SNAPC5: variants seen among roughly 807,000 people sequenced by gnomAD.
The protein encoded by SNAPC5 is small nuclear RNA activating complex polypeptide 5, also known as snRNA-activating protein complex subunit 5.
In SNAPC5, 12 loss-of-function variants were observed where a neutral mutation model predicts 9.1. The ratio of observed to expected loss-of-function variants is 1.32; its 90% CI spans 0.85 to 2.15. The LOEUF is 2.15. Ranked by LOEUF, SNAPC5 falls within the 30% of genes most tolerant of loss-of-function variation. The probability of loss-of-function intolerance (pLI) is 0.00; values close to 1 mark genes in which losing one functional copy is unlikely to be tolerated. For missense variants in SNAPC5, 132 were observed against 114.4 expected (o/e 1.15, Z -0.70); for synonymous variants, 52 against 47.3 (o/e 1.10, Z -0.41).
chr15:66,492,811 A>T (rs1325029405), downstream of SNAPC5, among the ~76,000 whole-genome samples: 3 of 152,182 alleles, frequency 2.0e-5, no homozygotes, highest in African/African-American at 7.2e-5. Context: ...AAATGATCTC[A>T]TTAGCACCTC....
intron 1 of SNAPC5, among the ~76,000 whole-genome samples, chr15:66,496,292 C>A (rs1396248378): frequency 6.6e-6 from 1 of 151,772 alleles, no homozygotes; most frequent in African/African-American, 2.4e-5. Context: ...ATGGTGAAAC[C>A]CCGTCTCTAC....
chr15:66,495,534 C>T, intron 1 of SNAPC5, 115 bp from the exon 2 acceptor site: 1 of 671,644 alleles, frequency 1.5e-6, no homozygotes, highest in African/African-American at 1.8e-5. Flanking sequence ...TGAAAACTAT[C>T]TCTGTGTTGC....
intron 2 of SNAPC5, 107 bp downstream of exon 2, chr15:66,495,223 C>G (rs762773303): frequency 1.2e-6 from 1 of 802,806 alleles, no homozygotes; most frequent in South Asian, 1.3e-5. Context: ...TTCTCAGAGC[C>G]CTTTGGGCTA....
intron 1 of SNAPC5, among the ~76,000 whole-genome samples, chr15:66,495,868 T>G (rs965051478): frequency 6.6e-6 from 1 of 152,236 alleles, no homozygotes; most frequent in African/African-American, 2.4e-5. Flanking sequence ...AATACACTCA[T>G]TAAGTACTTG....
At chr15:66,489,802 A>C, downstream of SNAPC5, 2 of 1,533,190 alleles carry the variant, frequency 1.3e-6, no homozygotes, top group Non-Finnish European at 1.8e-6. Context: ...GTACCTGTTT[A>C]TTCATTTGTT....
chr15:66,495,496 T>C, intron 1 of SNAPC5, 77 bp from the exon 2 acceptor site: 2 of 809,016 alleles, frequency 2.5e-6, no homozygotes, highest in South Asian at 2.7e-5. Flanking sequence ...CTGGGCACAC[T>C]ATGAAACATT....
At position 66,495,340 on chromosome 15, in the gene SNAPC5, T is replaced by C; in HGVS notation, c.170A>G (p.Gln57Arg). The C allele has an allele frequency of 1.9e-6, 3 of 1,584,116 alleles. No individual in the cohort carries two copies. The South Asian group carries it at 3.3e-5, about 18-fold the overall frequency. Residue 57 changes from glutamine (Q) to arginine (R), a missense_variant, in exon 2 of 3, where the codon CAG (glutamine) becomes CGG (arginine). Gln to Arg is a conservative substitution (Grantham distance 43, BLOSUM62 1). Transcript: ENST00000316634. ...EMLSSHTVPE[Q>R]SHDMLVHVDN... Reference sequence around the variant, plus strand: ...CTTGATTAAGCTTACATCATGTGACTGTTCAGGTACAGTGTGAGAAGACAG... The same window carrying C: ...CTTGATTAAGCTTACATCATGTGACCGTTCAGGTACAGTGTGAGAAGACAG...
downstream of SNAPC5, chr15:66,489,995 G>A (rs1245433124): frequency 3.3e-6 from 2 of 600,932 alleles, no homozygotes; most frequent in East Asian, 2.8e-5. Context: ...AAATGCCTGA[G>A]GGGGCCATGG....
chr15:66,490,299 C>G, downstream of SNAPC5: 4 of 689,262 alleles, frequency 5.8e-6, no homozygotes, highest in Non-Finnish European at 1.1e-5. Flanking sequence ...AGGTGACTTG[C>G]CCAAGGCCTC....
downstream of SNAPC5, chr15:66,491,462 C>A (rs1893255198): frequency 9.1e-6 from 2 of 218,904 alleles, no homozygotes; most frequent in African/African-American, 4.5e-5. Flanking sequence ...ATCCTTTTAA[C>A]CATTTTAACC....
chr15:66,491,099 CAG>C (rs1228503968), downstream of SNAPC5: 4 of 351,384 alleles, frequency 1.1e-5, no homozygotes, highest in Non-Finnish European at 2.1e-5. Flanking sequence ...AAATGAGCAT[CAG>C]AGAGTGTACA....
downstream of SNAPC5, chr15:66,490,233 C>T: frequency 3.3e-6 from 2 of 600,532 alleles, no homozygotes; most frequent in East Asian, 3.1e-5. Context: ...TCTAACAAGC[C>T]TGTGAGGCAT....
downstream of SNAPC5, chr15:66,490,631 C>T (rs1422535238): frequency 6.2e-7 from 1 of 1,601,646 alleles, no homozygotes; most frequent in African/African-American, 1.3e-5. Context: ...TGGGAAGCAA[C>T]AAAGAGCGAG....
At chr15:66,490,419 GA>G (rs774650198), downstream of SNAPC5, 11 of 1,024,164 alleles carry the variant, frequency 1.1e-5, no homozygotes, top group Non-Finnish European at 1.7e-5. Flanking sequence ...CTCTAGACCT[GA>G]AACTCTTGGA....
chr15:66,489,889 G>A, downstream of SNAPC5: 1 of 852,420 alleles, frequency 1.2e-6, no homozygotes, highest in South Asian at 1.3e-5. Context: ...TGAGCCTGGG[G>A]CTGCAGAATA....
chr15:66,497,233 T>C (rs1485139458), intron 1 of SNAPC5, among the ~76,000 whole-genome samples: 2 of 152,098 alleles, frequency 1.3e-5, no homozygotes, highest in African/African-American at 4.8e-5. Flanking sequence ...AACTAGAGCA[T>C]TTCAAGCGCC....
At chr15:66,489,816 C>G, downstream of SNAPC5, 2 of 1,441,672 alleles carry the variant, frequency 1.4e-6, no homozygotes, top group Non-Finnish European at 2.0e-6. Context: ...ATTTGTTCTT[C>G]TCTGTCAGTC....
At chr15:66,492,272 T>C (rs1382900861), downstream of SNAPC5, 3 of 275,192 alleles carry the variant, frequency 1.1e-5, no homozygotes, top group South Asian at 3.3e-5. Flanking sequence ...AGCCAACATA[T>C]ATATTTATAA....
downstream of SNAPC5, chr15:66,489,864 C>G: frequency 1.0e-6 from 1 of 983,382 alleles, no homozygotes; most frequent in Non-Finnish European, 1.6e-6. Flanking sequence ...CATTCCCTGC[C>G]CACTGTGGTC....
Sources: allele counts gnomAD v4.1 joint callset (sites outside exome capture counted in the v4.1 genomes callset), GRCh38; gene constraint gnomAD v4.1.1; transcripts MANE v1.5; gene names NCBI Gene and HGNC (gene_info 2026-07-23, HGNC 2026-07-21).